C5AR1: variants seen among roughly 807,000 people sequenced by gnomAD.
The protein encoded by C5AR1 is C5a anaphylatoxin chemotactic receptor 1.
A neutral mutation model predicts 2.4 loss-of-function variants in C5AR1; 4 were observed. The observed-to-expected ratio is 1.65, with a 90% confidence interval of 0.81 to 3.77. The LOEUF is 3.77. Among genes scored for constraint, C5AR1 ranks in the 30% most tolerant of loss-of-function variants. The probability of loss-of-function intolerance (pLI) is 0.01; values close to 1 mark genes in which losing one functional copy is unlikely to be tolerated. For missense variants in C5AR1, 418 were observed against 462.5 expected (o/e 0.90, Z 0.88); for synonymous variants, 209 against 210.4 (o/e 0.99, Z 0.06).
In C5AR1 at chr19:47,321,026, A is replaced by T; in HGVS notation, c.*196A>T. On this transcript the variant is annotated 3_prime_UTR_variant, in exon 2 of 2. Coordinates refer to ENST00000355085, the MANE Select transcript of C5AR1 (RefSeq NM_001736.4). Reference sequence around the variant, plus strand: ...ATCCTTCCTCATTTGCAAGGTGAACACTTCCTTCTAGGGAGCACCCTCCCA... The same window carrying T: ...ATCCTTCCTCATTTGCAAGGTGAACTCTTCCTTCTAGGGAGCACCCTCCCA... The T allele has an allele frequency of 2.1e-6, 1 of 478,482 alleles. No individual in the cohort carries two copies. The highest frequency in any genetic ancestry group is 2.1e-5 in the African/African-American group (1 of 47,068). The allele number at this position is 478,482 out of a possible 1,614,324, so 29.6% of individuals were successfully genotyped here. A position where few individuals can be genotyped will look rare whatever the true frequency, so the allele number is the denominator to read the frequency against.
chr19:47,319,304 A>ATTTTTTTT (rs34731685), intron 1 of C5AR1, among the ~76,000 whole-genome samples: 1 of 94,136 alleles, frequency 1.1e-5, no homozygotes, highest in Non-Finnish European at 1.9e-5. Flanking sequence ...GAATCATTTC[A>ATTTTTTTT]TTTTTTTTTT....
chr19:47,320,669 A>G lies in C5AR1; in HGVS notation c.892A>G (p.Ile298Val). 6.2e-7 allele frequency: 1 copy of G among 1,613,964 alleles called. No individual in the cohort carries two copies. The highest frequency in any genetic ancestry group is 8.5e-7 in the Non-Finnish European group (1 of 1,179,984). ...FAYINCCINP[I>V]IYVVAGQGFQ... Reference sequence around the variant, plus strand: ...CTACATCAACTGCTGCATCAACCCCATCATCTACGTGGTGGCCGGCCAGGG... The same window carrying G: ...CTACATCAACTGCTGCATCAACCCCGTCATCTACGTGGTGGCCGGCCAGGG... Residue 298 changes from isoleucine to valine, a missense_variant, in exon 2 of 2, where the codon ATC (isoleucine) becomes GTC (valine). Ile to Val is a conservative substitution (Grantham distance 29). Coordinates refer to ENST00000355085, the MANE Select transcript of C5AR1 (RefSeq NM_001736.4). This position sits in a 1 kb window ranked among gnomAD's most constrained non-coding sequence, Gnocchi z 4.9.
intron 1 of C5AR1, among the ~76,000 whole-genome samples, chr19:47,311,955 T>A (rs2059272404): frequency 6.6e-6 from 1 of 152,198 alleles, no homozygotes; most frequent in Non-Finnish European, 1.5e-5. Flanking sequence ...AGTTTACAGA[T>A]GCCTGAGAGC....
chr19:47,316,452 T>G (rs1018498294), intron 1 of C5AR1: 4 of 151,956 alleles, frequency 2.6e-5, no homozygotes, highest in Admixed American at 2.6e-4. Flanking sequence ...TATCACCTTT[T>G]TTTTTTTTTG....
chr19:47,316,879 A>G (rs1029794131), intron 1 of C5AR1, among the ~76,000 whole-genome samples: 9 of 151,050 alleles, frequency 6.0e-5, no homozygotes, highest in African/African-American at 2.2e-4. Context: ...GGGAACTAGA[A>G]AAAAAAAAAC....
upstream of C5AR1, among the ~76,000 whole-genome samples, chr19:47,309,688 C>T (rs1234792262): frequency 6.6e-6 from 1 of 152,174 alleles, no homozygotes; most frequent in African/African-American, 2.4e-5. Context: ...GCCGGCCCCC[C>T]TTCTCTGCCT....
intron 1 of C5AR1, among the ~76,000 whole-genome samples, chr19:47,315,794 A>G (rs2059285359): frequency 6.6e-6 from 1 of 152,102 alleles, no homozygotes; most frequent in Admixed American, 6.6e-5. Flanking sequence ...GGGGCTGTTT[A>G]CCAGTGAAAA....
At chr19:47,318,635 C>T (rs2059297627) in intron 1 of C5AR1, among the ~76,000 whole-genome samples, 2 of 151,972 alleles carry the variant, frequency 1.3e-5, no homozygotes, top group Admixed American at 1.3e-4. Flanking sequence ...AGGTTGTGGT[C>T]AGGATGGAAA....
At chr19:47,317,765 G>A (rs998060621) in intron 1 of C5AR1, among the ~76,000 whole-genome samples, 2 of 151,730 alleles carry the variant, frequency 1.3e-5, no homozygotes, top group Non-Finnish European at 1.5e-5. Flanking sequence ...GGCAGATCAC[G>A]AGGTCAGGAG....
intron 1 of C5AR1, among the ~76,000 whole-genome samples, chr19:47,311,946 G>A (rs2059272358): frequency 6.6e-6 from 1 of 152,186 alleles, no homozygotes; most frequent in Non-Finnish European, 1.5e-5. Flanking sequence ...TCCAGAAACA[G>A]TTTACAGATG....
chr19:47,320,075 C>G lies in C5AR1; in HGVS notation c.298C>G (p.His100Asp), dbSNP rs1405386315. The G allele has an allele frequency of 6.2e-7, 1 of 1,614,200 alleles. No homozygotes were observed. Among genetic ancestry groups the G allele is most frequent in the African/African-American group, 1.3e-5 (1 of 75,068 alleles). Reference protein sequence around the residue: ...PILFTSIVQHHHWPFGGAACS... With the variant: ...PILFTSIVQHDHWPFGGAACS... ...CTTGTTCACGTCCATTGTACAGCAT[C>G]ACCACTGGCCCTTTGGCGGGGCCGC... Residue 100 changes from histidine to aspartate, a missense_variant, in exon 2 of 2, where the codon CAC (histidine) becomes GAC (aspartate). Transcript: ENST00000355085. This position sits in a 1 kb window ranked among gnomAD's most constrained non-coding sequence, Gnocchi z 4.9.
At chr19:47,317,627 CGCTGTGCTAGGT>C (rs2059294276) in intron 1 of C5AR1, among the ~76,000 whole-genome samples, 1 of 151,742 alleles carries the variant, frequency 6.6e-6, no homozygotes, top group Non-Finnish European at 1.5e-5. Context: ...CTGTGTCAGG[CGCTGTGCTAGGT>C]GCTTAGGCAT....
upstream of C5AR1, among the ~76,000 whole-genome samples, chr19:47,308,780 GT>G (rs35218039): frequency 1.3e-4 from 18 of 139,608 alleles, no homozygotes; most frequent in Admixed American, 2.9e-4. Context: ...GGTGACGATG[GT>G]TTTTTTTTTT....
rs1328149908 is a variant in C5AR1 at position 47,320,009 on chromosome 19, T to G, written c.232T>G (p.Leu78Val). The G allele has an allele frequency of 6.2e-7, 1 of 1,614,232 alleles. No homozygotes were observed. The highest frequency in any genetic ancestry group is 1.1e-5 in the South Asian group (1 of 91,092). ...CATCAATGCCATCTGGTTCCTCAAC[T>G]TGGCGGTAGCCGACTTCCTCTCCTG... is the stretch of plus-strand genomic sequence containing the variant. ...RTINAIWFLN[L>V]AVADFLSCLA... Residue 78 changes from leucine to valine, a missense_variant, in exon 2 of 2, where the codon TTG becomes GTG. Transcript: ENST00000355085. The surrounding 1 kb of genome is among the most constrained non-coding windows in gnomAD (Gnocchi z 4.9).
chr19:47,309,476 G>A (rs1342997381), upstream of C5AR1, among the ~76,000 whole-genome samples: 1 of 151,660 alleles, frequency 6.6e-6, no homozygotes, highest in African/African-American at 2.4e-5. Context: ...TCGGGAGGCT[G>A]AGGCAGGAGA....
chr19:47,309,710 G>A (rs2059264063), upstream of C5AR1, among the ~76,000 whole-genome samples: 1 of 152,146 alleles, frequency 6.6e-6, no homozygotes, highest in South Asian at 2.1e-4. Flanking sequence ...GGAGGAGGTG[G>A]TTAGAGTCCC....
At chr19:47,315,865 A>G (rs1005409659) in intron 1 of C5AR1, among the ~76,000 whole-genome samples, 1 of 152,170 alleles carries the variant, frequency 6.6e-6, no homozygotes, top group African/African-American at 2.4e-5. Context: ...AAAAATGACA[A>G]GAATGGAACA....
chr19:47,315,113 G>C (rs2059282191), intron 1 of C5AR1, among the ~76,000 whole-genome samples: 1 of 151,736 alleles, frequency 6.6e-6, no homozygotes, highest in East Asian at 1.9e-4. Context: ...GAACTCCTGG[G>C]CTCAAGCAAT....
intron 1 of C5AR1, among the ~76,000 whole-genome samples, chr19:47,310,418 A>C (rs1442889484): frequency 2.0e-5 from 3 of 152,158 alleles, no homozygotes; most frequent in Admixed American, 2.0e-4. Context: ...TGGGAATGGC[A>C]GAGAAAATGT....
Sources: allele counts gnomAD v4.1 joint callset (sites outside exome capture counted in the v4.1 genomes callset), GRCh38; gene constraint gnomAD v4.1.1; non-coding constraint Gnocchi (gnomAD v3.1); transcripts MANE v1.5; gene names NCBI Gene and HGNC (gene_info 2026-07-23, HGNC 2026-07-21).